FAM117B: variants seen among roughly 807,000 people sequenced by gnomAD.
The protein encoded by FAM117B is protein FAM117B.
Under a neutral mutation model 52.8 loss-of-function variants are expected in FAM117B, and 22 were observed. That is an observed-to-expected ratio of 0.42 (90% CI 0.30 to 0.59). The LOEUF (loss-of-function observed/expected upper bound fraction) is 0.59, where lower values mean the gene tolerates loss of function less well. FAM117B is among the 20% of genes least tolerant of loss of function. The probability of loss-of-function intolerance (pLI) is 0.22; values close to 1 mark genes in which losing one functional copy is unlikely to be tolerated. For missense variants in FAM117B, 678 were observed against 802.6 expected (o/e 0.84, Z 1.88); for synonymous variants, 309 against 324.1 (o/e 0.95, Z 0.50).
chr2:202,721,015 T>G (rs2105785686), intron 2 of FAM117B, among the ~76,000 whole-genome samples: 1 of 152,360 alleles, frequency 6.6e-6, no homozygotes, highest in Non-Finnish European at 1.5e-5. Context: ...CAAAATATCA[T>G]ATTCTATACA....
In FAM117B at chr2:202,650,888, G is replaced by A. The variant is rs918117536; in HGVS notation, c.601+15100G>A. Reference sequence around the variant, plus strand: ...TAGATGGTGCCCACCCTGATTGAGGGTGGGTCTGCCTCTCCCAATCCGCTG... The same window carrying A: ...TAGATGGTGCCCACCCTGATTGAGGATGGGTCTGCCTCTCCCAATCCGCTG... On this transcript the variant is annotated intron_variant, in intron 1 of 7. Transcript: ENST00000392238. 2.0e-5 allele frequency among the ~76,000 whole-genome samples: 3 copies of A among 152,064 alleles called. No individual in the cohort carries two copies. In the South Asian group the frequency reaches 6.2e-4, roughly 32 times the overall value.
chr2:202,758,778 A>G (rs763569042), intron 6 of FAM117B, among the ~76,000 whole-genome samples: 1 of 152,050 alleles, frequency 6.6e-6, no homozygotes, highest in Non-Finnish European at 1.5e-5. Context: ...GGAAATTCAT[A>G]GGCAAAAAAA....
At chr2:202,698,229 T>A (rs2105777686) in intron 2 of FAM117B, among the ~76,000 whole-genome samples, 1 of 152,354 alleles carries the variant, frequency 6.6e-6, no homozygotes, top group East Asian at 1.9e-4. Flanking sequence ...ATTTGTATAT[T>A]GATTTCCAAA....
chr2:202,741,323 G>C (rs531392591), intron 4 of FAM117B, among the ~76,000 whole-genome samples: 19 of 145,666 alleles, frequency 1.3e-4, no homozygotes, highest in Admixed American at 7.0e-4. Context: ...AGGAGTCTGA[G>C]GCAGGGGAAT....
chr2:202,655,194 G>A (rs1311989722), intron 1 of FAM117B, among the ~76,000 whole-genome samples: 1 of 152,094 alleles, frequency 6.6e-6, no homozygotes, highest in Non-Finnish European at 1.5e-5. Context: ...GTTATTGCAT[G>A]TTTCAGTAGT....
intron 1 of FAM117B, among the ~76,000 whole-genome samples, chr2:202,670,138 G>A (rs1574549239): frequency 6.6e-6 from 1 of 152,274 alleles, no homozygotes; most frequent in South Asian, 2.1e-4. Context: ...TACCTGCTAT[G>A]TGCTAGCTAC....
In FAM117B at chr2:202,725,932, CT is replaced by C. The variant is rs899134165; in HGVS notation, c.847-316del. The stretch of plus-strand genomic sequence containing the variant: ...AAATCTAAATTGAAATAAAAATTAA[CT>C]TATGGTAAAGGCAATGAGAATGATT... On this transcript the variant is annotated intron_variant, in intron 3 of 7. Coordinates refer to ENST00000392238, the MANE Select transcript of FAM117B (RefSeq NM_173511.4). 6.6e-5 allele frequency among the ~76,000 whole-genome samples: 10 copies of C among 152,146 alleles called. No individual in the cohort carries two copies. In the Middle Eastern group the frequency reaches 0.01, roughly 155 times the overall value.
At chr2:202,733,844 C>T (rs1314890714) in intron 4 of FAM117B, among the ~76,000 whole-genome samples, 1 of 152,094 alleles carries the variant, frequency 6.6e-6, no homozygotes, top group Non-Finnish European at 1.5e-5. Flanking sequence ...ACATTCTCAG[C>T]TTACAAAGAT....
intron 7 of FAM117B, among the ~76,000 whole-genome samples, chr2:202,761,748 A>T (rs1691893514): frequency 6.6e-6 from 1 of 152,076 alleles, no homozygotes; most frequent in Non-Finnish European, 1.5e-5. Flanking sequence ...GCTAGTCTCG[A>T]ACTCCTGACC....
chr2:202,635,700 A>G lies in FAM117B; in HGVS notation c.513A>G (p.Pro171=). 1 of 1,424,610 alleles carries G rather than the reference A, an allele frequency of 7.0e-7. No individual in the cohort carries two copies. The highest frequency in any genetic ancestry group is 9.2e-7 in the Non-Finnish European group (1 of 1,089,864). 88.2% of individuals were successfully genotyped at this position (1,424,610 alleles called of 1,614,324 possible). A position where few individuals can be genotyped will look rare whatever the true frequency, so the allele number is the denominator to read the frequency against. ...WTGEVSAAPP[P]ARVRHRRRSP... is the part of the protein sequence containing the mutation. ...GCGAGGTGAGCGCGGCCCCACCCCC[A>G]GCCCGCGTCCGGCATCGGAGGAGGT... The change falls in exon 1 of 8, where the codon CCA becomes CCG. Residue 171 remains proline (P), a synonymous_variant. Coordinates refer to ENST00000392238, the MANE Select transcript of FAM117B (RefSeq NM_173511.4).
chr2:202,666,854 C>G (rs1690212532), intron 1 of FAM117B, among the ~76,000 whole-genome samples: 1 of 151,606 alleles, frequency 6.6e-6, no homozygotes, highest in African/African-American at 2.4e-5. Flanking sequence ...ACCGTGTTAG[C>G]CAGGATGGTC....
chr2:202,656,702 G>C (rs963206118), intron 1 of FAM117B, among the ~76,000 whole-genome samples: 3 of 152,112 alleles, frequency 2.0e-5, no homozygotes, highest in Admixed American at 6.6e-5. Flanking sequence ...TGTCACTTAG[G>C]TCAGATTGAT....
At chr2:202,703,996 G>A (rs776169546) in intron 2 of FAM117B, among the ~76,000 whole-genome samples, 5 of 152,018 alleles carry the variant, frequency 3.3e-5, no homozygotes, top group Admixed American at 6.5e-5. Context: ...AATTATAGTC[G>A]TCCTAGTAGG....
At chr2:202,692,784 A>G (rs1323231929) in intron 1 of FAM117B, among the ~76,000 whole-genome samples, 5 of 152,214 alleles carry the variant, frequency 3.3e-5, no homozygotes, top group African/African-American at 1.2e-4. Flanking sequence ...AGTGTGAAGC[A>G]ATGAGAGGGC....
At chr2:202,736,259 G>A (rs1252072967) in intron 4 of FAM117B, among the ~76,000 whole-genome samples, 1 of 152,162 alleles carries the variant, frequency 6.6e-6, no homozygotes, top group African/African-American at 2.4e-5. Flanking sequence ...TACTTTTGCT[G>A]TGACCTTTAT....
intron 1 of FAM117B, among the ~76,000 whole-genome samples, chr2:202,637,752 T>C (rs112062260): frequency 3.3e-5 from 5 of 152,184 alleles, no homozygotes; most frequent in Admixed American, 2.6e-4. Context: ...ATTTGAACTT[T>C]GGTCAGTTGT....
At chr2:202,692,098 C>T (rs1690639142) in intron 1 of FAM117B, among the ~76,000 whole-genome samples, 1 of 152,080 alleles carries the variant, frequency 6.6e-6, no homozygotes, top group African/African-American at 2.4e-5. Flanking sequence ...TAACCAGCAC[C>T]TGAACTTTTG....
intron 1 of FAM117B, among the ~76,000 whole-genome samples, chr2:202,688,700 C>G (rs933440289): frequency 6.6e-6 from 1 of 152,016 alleles, no homozygotes; most frequent in Non-Finnish European, 1.5e-5. Context: ...ATGTTTTTAT[C>G]TTTTTTAGAC....
At chr2:202,761,246 G>A (rs1691883600) in intron 7 of FAM117B, among the ~76,000 whole-genome samples, 1 of 152,260 alleles carries the variant, frequency 6.6e-6, no homozygotes, top group South Asian at 2.1e-4. Context: ...TTGCCTAAGT[G>A]CTAAATGTAG....
Sources: gnomAD v4.1 joint callset for allele counts (sites outside exome capture counted in the v4.1 genomes callset) on GRCh38, gnomAD v4.1.1 for gene constraint, MANE v1.5 for transcripts, NCBI Gene and HGNC (gene_info 2026-07-23, HGNC 2026-07-21) for gene names.